Variants in LIMCH1 observed in about 807,000 individuals in gnomAD.
LIMCH1 encodes LIM and calponin homology domains-containing protein 1.
Under a neutral mutation model 176.5 loss-of-function variants are expected in LIMCH1, and 113 were observed. The ratio of observed to expected loss-of-function variants is 0.64; its 90% CI spans 0.55 to 0.75. The LOEUF is 0.75. Among genes scored for constraint, LIMCH1 ranks in the 30% least tolerant of loss-of-function variants. LIMCH1 has a pLI of 0.00. For missense variants in LIMCH1, 1,674 were observed against 1,814.9 expected, an observed-to-expected ratio of 0.92 and a Z score of 1.41; for synonymous variants, 619 against 645.9, an observed-to-expected ratio of 0.96 and a Z score of 0.63.
At chr4:41,670,837 C>A in intron 21 of LIMCH1, 1 of 1,532,950 alleles carries the variant, frequency 6.5e-7, no homozygotes, top group South Asian at 1.2e-5. Flanking sequence ...TGCGAAAATC[C>A]ATGTTGGGGC....
intron 1 of LIMCH1, among the ~76,000 whole-genome samples, chr4:41,425,750 A>G (rs2061022437): frequency 6.6e-6 from 1 of 152,222 alleles, no homozygotes; most frequent in Non-Finnish European, 1.5e-5. Flanking sequence ...AGTTGTTTAC[A>G]ATCAGTTGCC....
chr4:41,609,284 T>G (rs2091138494), intron 4 of LIMCH1, among the ~76,000 whole-genome samples: 1 of 151,958 alleles, frequency 6.6e-6, no homozygotes, highest in South Asian at 2.1e-4. Context: ...AATTTTGTAT[T>G]CATTTGTGTT....
At chr4:41,490,508 CT>C (rs2070601021) in intron 1 of LIMCH1, among the ~76,000 whole-genome samples, 1 of 152,118 alleles carries the variant, frequency 6.6e-6, no homozygotes. Flanking sequence ...CTTCAAGCAT[CT>C]GTTTAACAAA....
chr4:41,480,375 G>A (rs1016099627), intron 1 of LIMCH1, among the ~76,000 whole-genome samples: 13 of 152,292 alleles, frequency 8.5e-5, no homozygotes, highest in African/African-American at 2.6e-4. Context: ...TTGGGAGGCC[G>A]AGGTGGATGG....
chr4:41,472,856 T>G (rs775958817), intron 1 of LIMCH1, among the ~76,000 whole-genome samples: 2 of 152,158 alleles, frequency 1.3e-5, no homozygotes, highest in Non-Finnish European at 2.9e-5. Context: ...AAACAAAACT[T>G]TTTTTAAAAC....
chr4:41,560,781 G>A (rs2081968052), intron 1 of LIMCH1, among the ~76,000 whole-genome samples: 1 of 152,196 alleles, frequency 6.6e-6, no homozygotes, highest in Non-Finnish European at 1.5e-5. Context: ...CACTTTGGGA[G>A]ACCAAGGTAG....
chr4:41,629,272 G>T (rs989935005), intron 8 of LIMCH1, among the ~76,000 whole-genome samples: 1 of 152,120 alleles, frequency 6.6e-6, no homozygotes, highest in Non-Finnish European at 1.5e-5. Context: ...CATCTGGAAG[G>T]GGAAAAAAAC....
chr4:41,509,418 T>C (rs1332889925), intron 2 of LIMCH1, among the ~76,000 whole-genome samples: 1 of 152,202 alleles, frequency 6.6e-6, no homozygotes, highest in African/African-American at 2.4e-5. Flanking sequence ...ACTTGGGTCC[T>C]TTTTCCATTA....
Position 41,495,505 on chromosome 4 carries a change from T to C in LIMCH1, c.167+899T>C, listed in dbSNP as rs115252032. Among the ~76,000 whole-genome samples, 610 of 152,324 alleles carry C rather than the reference T, an allele frequency of 4.0e-3. 6 individuals carry two copies. The highest frequency in any genetic ancestry group is 6.8e-3 in the Non-Finnish European group (465 of 68,028). On this transcript the variant is annotated intron_variant, in intron 2 of 26. Coordinates refer to the LIMCH1 transcript ENST00000313860. ...GCATCTATTTTGCCTTCTCTTATAC[T>C]TGATTTCAGTGGAATCACATAGAAT...
intron 1 of LIMCH1, among the ~76,000 whole-genome samples, chr4:41,489,524 G>A (rs1012991526): frequency 6.6e-6 from 1 of 151,798 alleles, no homozygotes; most frequent in African/African-American, 2.4e-5. Flanking sequence ...ATTTCTTTTT[G>A]ATTTCTTCTT....
In LIMCH1 at chr4:41,620,672, C is replaced by T. The variant is rs2092502958; in HGVS notation, c.707C>T (p.Ala236Val). 2.0e-6 allele frequency: 3 copies of T among 1,534,978 alleles called. No individual in the cohort carries two copies. The highest frequency in any genetic ancestry group is 2.0e-5 in the Admixed American group (1 of 50,960). ...CAAGCTGGAATCAAGGTCATGCCAG[C>T]AGCACAGCGCTTTGCCAGGTCAGCT... ...LEQAGIKVMP[A>V]AQRFASQKQL... The change falls in exon 7 of 32, where the codon GCA becomes GTA. Residue 236 changes from alanine (A) to valine (V), a missense_variant. Physicochemically the swap from Ala to Val is moderately conservative, Grantham distance 64. Around this residue, in one of 3 missense-constraint regions of LIMCH1, gnomAD observed 655 missense variants for 692.2 expected, o/e 0.95. Coordinates refer to ENST00000503057, the MANE Select transcript of LIMCH1 (RefSeq NM_001330672.2).
At chr4:41,599,909 TTTATA>T (rs1265793454) in intron 2 of LIMCH1, among the ~76,000 whole-genome samples, 2 of 152,212 alleles carry the variant, frequency 1.3e-5, no homozygotes, top group African/African-American at 2.4e-5. Flanking sequence ...TTGCTTGATT[TTTATA>T]TTATATTTGC....
At chr4:41,664,336 G>C (rs2094745530) in intron 20 of LIMCH1, among the ~76,000 whole-genome samples, 1 of 152,208 alleles carries the variant, frequency 6.6e-6, no homozygotes, top group South Asian at 2.1e-4. Context: ...CCCTGTGCTA[G>C]GTACTGGATA....
intron 1 of LIMCH1, among the ~76,000 whole-genome samples, chr4:41,402,399 A>C (rs1163590574): frequency 2.0e-5 from 3 of 150,112 alleles, no homozygotes; most frequent in African/African-American, 2.5e-5. Flanking sequence ...TAGTTCAACC[A>C]TTGTGGAAGT....
intron 10 of LIMCH1, among the ~76,000 whole-genome samples, chr4:41,631,895 G>A (rs531698007): frequency 3.3e-5 from 5 of 152,262 alleles, no homozygotes; most frequent in South Asian, 2.1e-4. Context: ...ATGAGTTCAC[G>A]TTTCAGACAT....
At chr4:41,572,567 T>C (rs2083732232) in intron 1 of LIMCH1, among the ~76,000 whole-genome samples, 1 of 152,156 alleles carries the variant, frequency 6.6e-6, no homozygotes, top group Non-Finnish European at 1.5e-5. Flanking sequence ...AGGCTCTTAG[T>C]AGCAAATTTT....
At position 41,620,480 on chromosome 4, in the gene LIMCH1, A is replaced by C. The variant is rs2152823220; in HGVS notation, c.515A>C (p.Asn172Thr). Residue 172 changes from asparagine (N) to threonine (T), a missense_variant, in exon 7 of 32, where the codon AAC (asparagine) becomes ACC (threonine). Transcript: ENST00000503057. ...GSEVGSAGED[N>T]PAGQMNPGWK... ...GAAGTGGGGTCTGCTGGTGAAGACAACCCAGCTGGCCAAATGAATCCTGGT... is the reference window on the plus strand; with the variant it reads ...GAAGTGGGGTCTGCTGGTGAAGACACCCCAGCTGGCCAAATGAATCCTGGT... 6.5e-7 allele frequency: 1 copy of C among 1,536,244 alleles called. No individual in the cohort carries two copies. Among genetic ancestry groups the C allele is most frequent in the Non-Finnish European group, 8.7e-7 (1 of 1,146,932 alleles).
rs1192187588 is a variant in LIMCH1, at chr4:41,492,936, GA to G, written c.97-1593del. On this transcript the variant is annotated intron_variant, in intron 1 of 26. Transcript: ENST00000313860. Reference sequence around the variant, plus strand: ...TATATAGTTATATCAGACTTTCCTGGAAAAAAATTATTTCCTAAACAATACA... The same window carrying G: ...TATATAGTTATATCAGACTTTCCTGGAAAAAATTATTTCCTAAACAATACA... Among the ~76,000 whole-genome samples, 7 of 151,750 alleles carry G rather than the reference GA, an allele frequency of 4.6e-5. No homozygotes were observed. The East Asian group carries it at 1.4e-3, about 29-fold the overall frequency.
intron 20 of LIMCH1, among the ~76,000 whole-genome samples, chr4:41,666,156 G>A (rs1173821518): frequency 6.6e-6 from 1 of 152,152 alleles, no homozygotes; most frequent in Non-Finnish European, 1.5e-5. Flanking sequence ...TAGCACTTAT[G>A]GAGTAAGATT....
Sources: allele counts gnomAD v4.1 joint callset (sites outside exome capture counted in the v4.1 genomes callset), GRCh38; gene constraint gnomAD v4.1.1; regional missense constraint gnomAD v4.1.1; transcripts MANE v1.5; gene names NCBI Gene and HGNC (gene_info 2026-07-23, HGNC 2026-07-21).